ZFP91: variants seen among roughly 807,000 people sequenced by gnomAD.
ZFP91 encodes the protein ZFP91 zinc finger protein, atypical E3 ubiquitin ligase, also known as E3 ubiquitin-protein ligase ZFP91.
In ZFP91, 7 loss-of-function variants were observed where a neutral mutation model predicts 63.5. The ratio of observed to expected loss-of-function variants is 0.11; its 90% confidence interval spans 0.06 to 0.21. ZFP91 has a LOEUF of 0.21. Ranked by LOEUF, ZFP91 falls within the 10% of genes least tolerant of loss-of-function variation. The pLI, the probability that ZFP91 is intolerant of heterozygous loss-of-function variation, is 1.00. For synonymous variants in ZFP91, 330 were observed against 272.1 expected (o/e 1.21, Z -2.10); for missense variants, 628 against 736.6 (o/e 0.85, Z 1.71).
chr11:58,605,561 G>A (rs973520446), intron 2 of ZFP91, among the ~76,000 whole-genome samples: 1 of 147,362 alleles, frequency 6.8e-6, no homozygotes, highest in Non-Finnish European at 1.5e-5. Flanking sequence ...CTTGCTTGAC[G>A]ATTTTTTTTT....
At chr11:58,584,706 G>A in intron 1 of ZFP91, 150 bp from the exon 2 acceptor site, 1 of 637,396 alleles carries the variant, frequency 1.6e-6, no homozygotes, top group Non-Finnish European at 2.6e-6. Context: ...GGACAGTGCA[G>A]ATATGTTTCC....
In ZFP91 at chr11:58,579,225, G is replaced by A. The variant is rs1855033508; in HGVS notation, c.-57G>A. 7.4e-7 allele frequency: 1 copy of A among 1,342,596 alleles called. No homozygotes were observed. The highest frequency in any genetic ancestry group is 9.5e-7 in the Non-Finnish European group (1 of 1,047,610). The allele number at this position is 1,342,596 out of a possible 1,614,324, so 83.2% of individuals were successfully genotyped here. A position where few individuals can be genotyped will look rare whatever the true frequency, so the allele number is the denominator to read the frequency against. ...AGGGGGCGGGGGGAGCAGCGCCGAG[G>A]CCGCCGCCTCCGCCTCCGCCGCCTA... On this transcript the variant is annotated 5_prime_UTR_variant, in exon 1 of 11. Transcript: ENST00000316059.
At chr11:58,593,634 GTTTGTT>G (rs1855346118) in intron 2 of ZFP91, among the ~76,000 whole-genome samples, 1 of 152,178 alleles carries the variant, frequency 6.6e-6, no homozygotes, top group Admixed American at 6.5e-5. Flanking sequence ...GACAATAATA[GTTTGTT>G]TTTATGTGCT....
chr11:58,618,571 G>A lies in ZFP91; in HGVS notation c.*865G>A, dbSNP rs1855792086. ...GAGATTCCTTATTTATTAACAGGAA[G>A]TCTGATTTTTTTTTTTTGGAGTCTT... is the stretch of plus-strand genomic sequence containing the variant. On this transcript the variant is annotated 3_prime_UTR_variant, in exon 11 of 11. Transcript: ENST00000316059. The A allele has an allele frequency of 4.9e-6, 2 of 408,084 alleles. No homozygotes were observed. Among genetic ancestry groups the A allele is most frequent in the South Asian group, 3.5e-5 (2 of 56,806 alleles). The allele number at this position is 408,084 out of a possible 1,614,324, so 25.3% of individuals were successfully genotyped here.
At chr11:58,601,961 G>T (rs754406316) in intron 2 of ZFP91, among the ~76,000 whole-genome samples, 3 of 151,594 alleles carry the variant, frequency 2.0e-5, no homozygotes, top group African/African-American at 7.3e-5. Context: ...TCGTTCTATC[G>T]CCCAGGCTGG....
In ZFP91 at chr11:58,586,387, C is replaced by T. The variant is rs373866655; in HGVS notation, c.370+1503C>T. On this transcript the variant is annotated intron_variant, in intron 2 of 10. Coordinates refer to ENST00000316059, the MANE Select transcript of ZFP91 (RefSeq NM_053023.5). ...AGACAGGGTTTAGCCAGGCTGGATTCGAGCTCCTGGCCTCAAGTGATCCGC... is the reference window on the plus strand; with the variant it reads ...AGACAGGGTTTAGCCAGGCTGGATTTGAGCTCCTGGCCTCAAGTGATCCGC... Among the ~76,000 whole-genome samples the T allele has an allele frequency of 2.6e-3, 400 of 151,894 alleles. 15 individuals carry two copies. In the South Asian group the frequency reaches 0.076, roughly 29 times the overall value.
intron 2 of ZFP91, among the ~76,000 whole-genome samples, chr11:58,586,833 T>TTTCATTTCAGAA (rs1444506120): frequency 1.3e-5 from 2 of 152,222 alleles, no homozygotes; most frequent in African/African-American, 4.8e-5. Context: ...AAATAACTCA[T>TTTCATTTCAGAA]GTTCATTTCA....
rs930733574 is a variant in ZFP91, at chr11:58,612,776, T to G, written c.923T>G (p.Ile308Ser). The G allele has an allele frequency of 9.9e-6, 16 of 1,608,286 alleles. No individual in the cohort carries two copies. Among genetic ancestry groups the G allele is most frequent in the African/African-American group, 2.7e-5 (2 of 74,292 alleles). The change falls in exon 8 of 11, where the codon ATC becomes AGC. Residue 308 changes from isoleucine (I) to serine (S), a missense_variant. By Grantham distance (142) the Ile-to-Ser change is moderately radical. Coordinates refer to ENST00000316059, the MANE Select transcript of ZFP91 (RefSeq NM_053023.5). Reference protein sequence around the residue: ...RLPKRRKKPPIQYVRCEMEGC... With the variant: ...RLPKRRKKPPSQYVRCEMEGC... ...TTTGATAATAGAAAAAAGCCTCCAA[T>G]CCAGTATGTCCGTTGTGAGATGGAA...
At chr11:58,582,613 G>A (rs1002267339) in intron 1 of ZFP91, among the ~76,000 whole-genome samples, 6 of 152,172 alleles carry the variant, frequency 3.9e-5, no homozygotes, top group African/African-American at 1.4e-4. Context: ...TAATAGAGTG[G>A]ATAAAGCATT....
intron 9 of ZFP91, among the ~76,000 whole-genome samples, chr11:58,615,883 A>C (rs74993726): frequency 0.026 from 4,033 of 152,322 alleles, 180 homozygotes; most frequent in African/African-American, 0.092. Flanking sequence ...AATTCTGGTA[A>C]TTTGAAGCAA....
At chr11:58,609,758 A>C in intron 2 of ZFP91, 72 bp from the exon 3 acceptor site, 6 of 1,277,968 alleles carry the variant, frequency 4.7e-6, no homozygotes, top group Non-Finnish European at 6.7e-6. Context: ...CTGTATTTAC[A>C]ATTAGTAGAT....
chr11:58,579,646 T>G (rs991960978), intron 1 of ZFP91, 24 bp downstream of exon 1: 2 of 1,526,836 alleles, frequency 1.3e-6, no homozygotes, highest in Non-Finnish European at 1.7e-6. Context: ...TTTCAGGCGG[T>G]GGGAAAGACC....
At chr11:58,587,041 G>C (rs942906141) in intron 2 of ZFP91, among the ~76,000 whole-genome samples, 5 of 152,006 alleles carry the variant, frequency 3.3e-5, no homozygotes, top group Admixed American at 1.3e-4. Flanking sequence ...TGCACACACA[G>C]AGTAGGCAAC....
chr11:58,591,741 C>T (rs1479768963), intron 2 of ZFP91, among the ~76,000 whole-genome samples: 1 of 152,082 alleles, frequency 6.6e-6, no homozygotes, highest in Non-Finnish European at 1.5e-5. Context: ...ATGTAGGAAG[C>T]ATTATGCAGG....
intron 9 of ZFP91, among the ~76,000 whole-genome samples, chr11:58,614,656 A>G (rs146510919): frequency 6.6e-6 from 1 of 152,252 alleles, no homozygotes; most frequent in Non-Finnish European, 1.5e-5. Context: ...CAACACCACT[A>G]AATTTGTTTA....
intron 8 of ZFP91, among the ~76,000 whole-genome samples, chr11:58,613,083 T>C (rs1295631512): frequency 2.0e-5 from 3 of 152,212 alleles, no homozygotes; most frequent in Non-Finnish European, 4.4e-5. Context: ...GTCTGATTTT[T>C]CACAAAAATA....
chr11:58,602,334 G>C (rs983945857), intron 2 of ZFP91, among the ~76,000 whole-genome samples: 2 of 152,104 alleles, frequency 1.3e-5, no homozygotes, highest in African/African-American at 4.8e-5. Context: ...GTTTGGTTCT[G>C]TTATTGAAAG....
chr11:58,604,057 A>G lies in ZFP91; in HGVS notation c.371-5773A>G, dbSNP rs552337135. ...TGGGAGGTTGGGATTAGGTGAATGT[A>G]TTTTGCACATTGGAAGGACATAAAT... On this transcript the variant is annotated intron_variant, in intron 2 of 10. Transcript: ENST00000316059. Among the ~76,000 whole-genome samples the G allele has an allele frequency of 3.9e-5, 6 of 152,256 alleles. No individual in the cohort carries two copies. In the East Asian group the frequency reaches 1.2e-3, roughly 29 times the overall value.
intron 2 of ZFP91, among the ~76,000 whole-genome samples, chr11:58,600,497 T>C (rs1429046461): frequency 1.3e-5 from 2 of 152,142 alleles, no homozygotes; most frequent in Non-Finnish European, 2.9e-5. Flanking sequence ...GAATGTTACG[T>C]GTTGGTATTA....
Sources: gnomAD v4.1 joint callset for allele counts (sites outside exome capture counted in the v4.1 genomes callset) on GRCh38, gnomAD v4.1.1 for gene constraint, MANE v1.5 for transcripts, NCBI Gene and HGNC (gene_info 2026-07-23, HGNC 2026-07-21) for gene names.